ADAMTS3: variants seen among roughly 807,000 people sequenced by gnomAD.
ADAMTS3 encodes the protein A disintegrin and metalloproteinase with thrombospondin motifs 3.
Under a neutral mutation model 129.0 loss-of-function variants are expected in ADAMTS3, and 73 were observed. The ratio of observed to expected loss-of-function variants is 0.57; its 90% CI spans 0.47 to 0.69. The LOEUF is 0.69. ADAMTS3 is among the 30% of genes least tolerant of loss of function. The probability of loss-of-function intolerance (pLI) is 0.00; values close to 1 mark genes in which losing one functional copy is unlikely to be tolerated. For synonymous variants in ADAMTS3, 477 were observed against 510.8 expected (o/e 0.93, Z 0.89); for missense variants, 1,457 against 1,514.5 (o/e 0.96, Z 0.63).
intron 4 of ADAMTS3, among the ~76,000 whole-genome samples, chr4:72,345,738 A>T (rs1720264720): frequency 6.6e-6 from 1 of 152,102 alleles, no homozygotes; most frequent in African/African-American, 2.4e-5. Context: ...GTTTTTACTG[A>T]CTACTTTATG....
chr4:72,342,518 C>T (rs1720165055), intron 4 of ADAMTS3, among the ~76,000 whole-genome samples: 1 of 152,012 alleles, frequency 6.6e-6, no homozygotes, highest in Admixed American at 6.6e-5. Flanking sequence ...CACACACCAC[C>T]ATGCCCAGCT....
chr4:72,351,107 T>A (rs1427065720), intron 4 of ADAMTS3, among the ~76,000 whole-genome samples: 5 of 152,018 alleles, frequency 3.3e-5, no homozygotes, highest in Non-Finnish European at 7.4e-5. Flanking sequence ...ATGTTTCTCA[T>A]CTCTCAGGAT....
At chr4:72,317,147 C>T (rs1719418085) in intron 10 of ADAMTS3, among the ~76,000 whole-genome samples, 1 of 152,142 alleles carries the variant, frequency 6.6e-6, no homozygotes, top group Non-Finnish European at 1.5e-5. Context: ...ATTGCCTATA[C>T]TGCTAATTAC....
chr4:72,313,752 C>G lies in ADAMTS3; in HGVS notation c.1670G>C (p.Trp557Ser). The change falls in exon 12 of 22, where the codon TGG (tryptophan) becomes TCG (serine). Residue 557 changes from tryptophan (W) to serine (S), a missense_variant. By Grantham distance (177) the Trp-to-Ser change is radical. Coordinates refer to ENST00000286657, the MANE Select transcript of ADAMTS3 (RefSeq NM_014243.3). ...QQKQDGNWGS[W>S]TKFGSCSRTC... ...CCGAGAACAGGAGCCAAATTTAGTC[C>G]ATGACCCCCAATTGCCATCTTGTTT... The G allele has an allele frequency of 1.2e-6, 2 of 1,613,830 alleles. No individual in the cohort carries two copies. Among genetic ancestry groups the G allele is most frequent in the Non-Finnish European group, 1.7e-6 (2 of 1,179,866 alleles).
At chr4:72,325,674 A>T (rs147808369) in intron 5 of ADAMTS3, among the ~76,000 whole-genome samples, 1 of 152,320 alleles carries the variant, frequency 6.6e-6, no homozygotes, top group South Asian at 2.1e-4. Flanking sequence ...GAAAAAGTGA[A>T]TTAATTTCTG....
intron 4 of ADAMTS3, among the ~76,000 whole-genome samples, chr4:72,341,245 AG>A (rs1441493787): frequency 6.6e-6 from 1 of 152,164 alleles, no homozygotes; most frequent in African/African-American, 2.4e-5. Context: ...CCTTACAAGT[AG>A]GGGGACATGG....
intron 3 of ADAMTS3, among the ~76,000 whole-genome samples, chr4:72,428,024 A>C (rs1298801006): frequency 1.5e-5 from 2 of 133,912 alleles, no homozygotes; most frequent in African/African-American, 5.2e-5. Flanking sequence ...TTTAAGAGTC[A>C]GTTTATTAAC....
At chr4:72,363,596 G>A (rs1049022937) in intron 4 of ADAMTS3, among the ~76,000 whole-genome samples, 4 of 152,040 alleles carry the variant, frequency 2.6e-5, no homozygotes, top group Non-Finnish European at 4.4e-5. Context: ...TGTTTGTTTT[G>A]TTTTCAAAGA....
chr4:72,554,282 C>T (rs1395935292), intron 2 of ADAMTS3, among the ~76,000 whole-genome samples: 2 of 152,120 alleles, frequency 1.3e-5, no homozygotes, highest in East Asian at 1.9e-4. Context: ...TTTTTACTTT[C>T]TATGTTAATG....
In ADAMTS3 at chr4:72,466,143, GGT is replaced by G. The variant is rs1368626453; in HGVS notation, c.505-51174_505-51173del. Among the ~76,000 whole-genome samples, 4 of 152,014 alleles carry G rather than the reference GGT, an allele frequency of 2.6e-5. No homozygotes were observed. The East Asian group carries it at 7.8e-4, about 29-fold the overall frequency. On this transcript the variant is annotated intron_variant, in intron 3 of 21. Transcript: ENST00000286657. ...GATGCCATTTCAGAAAGGTTGGTTG[GGT>G]CCTTCTGACACTGTGATGAACATCT...
At chr4:72,340,428 T>G (rs1234848624) in intron 4 of ADAMTS3, among the ~76,000 whole-genome samples, 1 of 151,924 alleles carries the variant, frequency 6.6e-6, no homozygotes, top group Non-Finnish European at 1.5e-5. Context: ...TATGTGTATA[T>G]GCAGGGATAC....
intron 5 of ADAMTS3, among the ~76,000 whole-genome samples, chr4:72,327,868 G>C (rs565182467): frequency 1.3e-5 from 2 of 152,120 alleles, no homozygotes; most frequent in South Asian, 4.2e-4. Context: ...TGAGGAGCGA[G>C]GCTCTAAACT....
At chr4:72,537,612 A>AAAC (rs147374829) in intron 3 of ADAMTS3, among the ~76,000 whole-genome samples, 28 of 152,150 alleles carry the variant, frequency 1.8e-4, no homozygotes, top group East Asian at 3.9e-4. Context: ...ACAAACAAAT[A>AAAC]AACAACAACA....
chr4:72,503,753 G>A (rs1274242633), intron 3 of ADAMTS3, among the ~76,000 whole-genome samples: 2 of 152,134 alleles, frequency 1.3e-5, no homozygotes, highest in Admixed American at 1.3e-4. Flanking sequence ...AACAGGTCTA[G>A]AAGTACTTTA....
chr4:72,303,682 ATTAT>A (rs1425252477), intron 17 of ADAMTS3, among the ~76,000 whole-genome samples: 6 of 152,134 alleles, frequency 3.9e-5, no homozygotes, highest in Non-Finnish European at 7.3e-5. Context: ...ATGATAACTG[ATTAT>A]TTAAGTCAAA....
Position 72,568,687 on chromosome 4 carries a change from CACTT to C in ADAMTS3, c.69+3_69+6del. On this transcript the variant is annotated splice_donor_5th_base_variant and intron_variant, in intron 1 of 21. Transcript: ENST00000286657. The stretch of plus-strand genomic sequence containing the variant: ...GTTTTTTTTTATTGTTATTATTTTC[CACTT>C]ACTTGTCCATCAGCTGAAGTCCTAA... The C allele has an allele frequency of 6.2e-7, 1 of 1,611,522 alleles. No homozygotes were observed. Among genetic ancestry groups the C allele is most frequent in the Non-Finnish European group, 8.5e-7 (1 of 1,178,366 alleles).
chr4:72,392,047 G>A (rs557200345), intron 4 of ADAMTS3, among the ~76,000 whole-genome samples: 2 of 152,312 alleles, frequency 1.3e-5, no homozygotes, highest in East Asian at 3.9e-4. Context: ...GAGCACATGA[G>A]TATAAAGATG....
chr4:72,532,947 G>T (rs1303023090), intron 3 of ADAMTS3, among the ~76,000 whole-genome samples: 1 of 152,046 alleles, frequency 6.6e-6, no homozygotes, highest in African/African-American at 2.4e-5. Context: ...TAAAAGTAAA[G>T]GTCTAAGACA....
At chr4:72,395,980 G>A (rs1721715083) in intron 4 of ADAMTS3, among the ~76,000 whole-genome samples, 1 of 152,152 alleles carries the variant, frequency 6.6e-6, no homozygotes, top group Non-Finnish European at 1.5e-5. Context: ...ATTAGGCTCT[G>A]AACGAAAGTG....
Sources: gnomAD v4.1 joint callset for allele counts (sites outside exome capture counted in the v4.1 genomes callset) on GRCh38, gnomAD v4.1.1 for gene constraint, MANE v1.5 for transcripts, NCBI Gene and HGNC (gene_info 2026-07-23, HGNC 2026-07-21) for gene names.